Variants in CIB4 observed in about 807,000 individuals in gnomAD.
The protein encoded by CIB4 is calcium and integrin-binding family member 4.
A neutral mutation model predicts 25.8 loss-of-function variants in CIB4; 25 were observed. The observed-to-expected ratio is 0.97, with a 90% CI of 0.71 to 1.35. CIB4 has a LOEUF of 1.35. CIB4 is among the 40% of genes most tolerant of loss of function. The pLI, the probability that CIB4 is intolerant of heterozygous loss-of-function variation, is 0.00. For synonymous variants in CIB4, 75 were observed against 81.4 expected (o/e 0.92, Z 0.42); for missense variants, 235 against 228.2 (o/e 1.03, Z -0.19).
rs1389824110 is a variant in CIB4, at chr2:26,588,980, T to TCTTCTTCTTCTC, written c.329-5083_329-5082insGAGAAGAAGAAG. Among the ~76,000 whole-genome samples the TCTTCTTCTTCTC allele has an allele frequency of 8.8e-3, 115 of 13,070 alleles. 24 individuals are homozygous for TCTTCTTCTTCTC. Among genetic ancestry groups the TCTTCTTCTTCTC allele is most frequent in the African/African-American group, 0.034 (110 of 3,258 alleles). The allele number at this position is 13,070 out of a possible 152,430, so 8.6% of individuals were successfully genotyped here. On this transcript the variant is annotated intron_variant, in intron 4 of 6. Coordinates refer to ENST00000288861, the MANE Select transcript of CIB4 (RefSeq NM_001029881.3). ...GCTGCCGCTGCTGCCGCTTCTTCTT[T>TCTTCTTCTTCTC]CTTCTTCTTCTTCTTCTTCTTCTTC...
At chr2:26,590,735 C>A (rs754992216) in intron 4 of CIB4, among the ~76,000 whole-genome samples, 1 of 152,196 alleles carries the variant, frequency 6.6e-6, no homozygotes, top group Non-Finnish European at 1.5e-5. Flanking sequence ...CTGAGTCTAT[C>A]TGATGAAGCC....
At chr2:26,623,310 G>A (rs560090066) in intron 3 of CIB4, 103 of 186,810 alleles carry the variant, frequency 5.5e-4, no homozygotes, top group African/African-American at 2.4e-3. Flanking sequence ...ACCACTGCAC[G>A]CTAACCTGGG....
chr2:26,606,402 C>A (rs1440633498), intron 3 of CIB4, among the ~76,000 whole-genome samples: 2 of 152,096 alleles, frequency 1.3e-5, no homozygotes, highest in Admixed American at 6.5e-5. Flanking sequence ...AAAGCCGAGG[C>A]CAAATCCAGA....
At chr2:26,623,455 T>C (rs190942513) in intron 3 of CIB4, 3 of 460,518 alleles carry the variant, frequency 6.5e-6, no homozygotes, top group African/African-American at 2.0e-5. Flanking sequence ...TCAGGACTTT[T>C]CATCGCTTTC....
intron 3 of CIB4, among the ~76,000 whole-genome samples, chr2:26,626,265 C>G (rs1280826747): frequency 1.3e-5 from 2 of 152,150 alleles, no homozygotes; most frequent in African/African-American, 4.8e-5. Context: ...TCTTTCATGC[C>G]TGGCCTGGTG....
At chr2:26,581,920 A>ACTGAAAGTTACTCAGGAGTCC (rs2148184813) in intron 6 of CIB4, among the ~76,000 whole-genome samples, 2 of 152,314 alleles carry the variant, frequency 1.3e-5, no homozygotes, top group South Asian at 4.1e-4. Flanking sequence ...CTCAGGAGTC[A>ACTGAAAGTTACTCAGGAGTCC]CTGAAAGTCA....
intron 2 of CIB4, among the ~76,000 whole-genome samples, chr2:26,638,243 G>A (rs911910872): frequency 6.6e-6 from 1 of 152,170 alleles, no homozygotes; most frequent in Non-Finnish European, 1.5e-5. Flanking sequence ...AACACAACGC[G>A]GAGCCAAACT....
chr2:26,613,930 A>C (rs1321600332), intron 3 of CIB4, among the ~76,000 whole-genome samples: 2 of 152,196 alleles, frequency 1.3e-5, no homozygotes. Context: ...GGCCGCTGAC[A>C]CCGGCAGGCA....
intron 3 of CIB4, among the ~76,000 whole-genome samples, chr2:26,628,300 T>TG: frequency 6.6e-6 from 1 of 151,520 alleles, no homozygotes; most frequent in Non-Finnish European, 1.5e-5. Flanking sequence ...GATTGGGAGG[T>TG]GGGGGGAGCA....
chr2:26,640,644 G>T (rs1669618213), intron 1 of CIB4, 77 bp from the exon 2 acceptor site: 3 of 1,444,598 alleles, frequency 2.1e-6, no homozygotes, highest in Non-Finnish European at 2.9e-6. Flanking sequence ...GCGCAATTCA[G>T]AGGCTGGGGA....
chr2:26,620,483 C>A (rs1669184770), intron 3 of CIB4, among the ~76,000 whole-genome samples: 1 of 152,102 alleles, frequency 6.6e-6, no homozygotes, highest in Admixed American at 6.6e-5. Context: ...GCTTTCTCCA[C>A]GGGGGACGTC....
chr2:26,629,782 G>A (rs776922981), intron 2 of CIB4, among the ~76,000 whole-genome samples: 2 of 152,196 alleles, frequency 1.3e-5, no homozygotes, highest in Non-Finnish European at 2.9e-5. Context: ...AAAGTTAGGC[G>A]AATATGCCCT....
chr2:26,613,433 C>T (rs2148212061), intron 3 of CIB4, among the ~76,000 whole-genome samples: 1 of 152,296 alleles, frequency 6.6e-6, no homozygotes, highest in East Asian at 1.9e-4. Context: ...CTGGAGCTTA[C>T]ACATAAAGAC....
chr2:26,639,177 T>C (rs1414110409), intron 2 of CIB4, among the ~76,000 whole-genome samples: 1 of 151,930 alleles, frequency 6.6e-6, no homozygotes, highest in Non-Finnish European at 1.5e-5. Flanking sequence ...TTAGAACTTT[T>C]ACACTATTTG....
At chr2:26,607,677 A>G (rs1668916944) in intron 3 of CIB4, among the ~76,000 whole-genome samples, 1 of 152,208 alleles carries the variant, frequency 6.6e-6, no homozygotes, top group African/African-American at 2.4e-5. Context: ...ATTTGCTACC[A>G]TGAATAACCC....
chr2:26,583,951 A>G, intron 4 of CIB4, 53 bp from the exon 5 acceptor site: 3 of 1,179,360 alleles, frequency 2.5e-6, no homozygotes, highest in Non-Finnish European at 3.8e-6. Context: ...CTAAACAGGA[A>G]GAGGACTTGA....
chr2:26,581,500 T>A, intron 6 of CIB4, 107 bp from the exon 7 acceptor site: 1 of 1,108,040 alleles, frequency 9.0e-7, no homozygotes, highest in Non-Finnish European at 1.4e-6. Context: ...CTGCATCTCG[T>A]GTCCCTTTCT....
chr2:26,589,093 T>TTCCTCTTCC (rs879864343), intron 4 of CIB4, among the ~76,000 whole-genome samples: 5 of 92,850 alleles, frequency 5.4e-5, no homozygotes, highest in East Asian at 2.8e-4. Flanking sequence ...CTTCTTCTTC[T>TTCCTCTTCC]TCTTCTTCTT....
intron 3 of CIB4, among the ~76,000 whole-genome samples, chr2:26,597,521 C>A (rs1297411923): frequency 1.3e-5 from 2 of 151,834 alleles, no homozygotes; most frequent in African/African-American, 4.8e-5. Flanking sequence ...CATATCCAAC[C>A]ACATTGCTTT....
Sources: gnomAD v4.1 joint callset for allele counts (sites outside exome capture counted in the v4.1 genomes callset) on GRCh38, gnomAD v4.1.1 for gene constraint, MANE v1.5 for transcripts, NCBI Gene and HGNC (gene_info 2026-07-23, HGNC 2026-07-21) for gene names.